Variants in DCDC1 observed in about 807,000 individuals in gnomAD.
DCDC1 encodes the protein doublecortin domain containing 1.
Under a neutral mutation model 178.3 loss-of-function variants are expected in DCDC1, and 200 were observed. The ratio of observed to expected loss-of-function variants is 1.12; its 90% CI spans 1.00 to 1.26. The LOEUF (loss-of-function observed/expected upper bound fraction) is 1.26. DCDC1 is among the 50% of genes most tolerant of loss of function. The pLI, the probability that DCDC1 is intolerant of heterozygous loss-of-function variation, is 0.00. For synonymous variants in DCDC1, 690 were observed against 604.8 expected (o/e 1.14, Z -2.07); for missense variants, 1,983 against 1,749.2 (o/e 1.13, Z -2.38).
chr11:31,200,479 A>G (rs1462362771), intron 9 of DCDC1, among the ~76,000 whole-genome samples: 1 of 152,118 alleles, frequency 6.6e-6, no homozygotes, highest in African/African-American at 2.4e-5. Flanking sequence ...AACGATATAA[A>G]TTTTTGAGTA....
intron 20 of DCDC1, among the ~76,000 whole-genome samples, chr11:31,054,688 T>G (rs1327813028): frequency 6.6e-6 from 1 of 152,148 alleles, no homozygotes; most frequent in Non-Finnish European, 1.5e-5. Flanking sequence ...CCCAAATACT[T>G]ACAGCCAACT....
At chr11:31,258,024 T>C (rs1014585691) in intron 8 of DCDC1, among the ~76,000 whole-genome samples, 14 of 152,106 alleles carry the variant, frequency 9.2e-5, no homozygotes, top group Non-Finnish European at 1.9e-4. Flanking sequence ...CTTTTGAGGA[T>C]AGGACAATTA....
intron 17 of DCDC1, among the ~76,000 whole-genome samples, chr11:31,089,447 A>G (rs1262955252): frequency 6.6e-6 from 1 of 151,932 alleles, no homozygotes; most frequent in Admixed American, 6.6e-5. Flanking sequence ...GAATTTGTTG[A>G]GTTCCTTGGA....
intron 20 of DCDC1, among the ~76,000 whole-genome samples, chr11:31,042,461 A>G (rs1273360882): frequency 6.6e-6 from 1 of 152,184 alleles, no homozygotes; most frequent in Admixed American, 6.5e-5. Context: ...AAAATAAGGA[A>G]GATCTATACA....
intron 20 of DCDC1, chr11:30,992,329 T>TG (rs1951034157): frequency 1.3e-5 from 2 of 152,154 alleles, no homozygotes; most frequent in East Asian, 3.9e-4. Context: ...AGTGAACAAA[T>TG]AATGACTGAC....
At chr11:31,311,495 A>T (rs1948770674) in intron 3 of DCDC1, among the ~76,000 whole-genome samples, 1 of 152,238 alleles carries the variant, frequency 6.6e-6, no homozygotes, top group African/African-American at 2.4e-5. Flanking sequence ...TTTAAATGTA[A>T]CAACTGCTGA....
intron 10 of DCDC1, among the ~76,000 whole-genome samples, chr11:31,133,271 G>T (rs1244700200): frequency 6.6e-6 from 1 of 152,130 alleles, no homozygotes; most frequent in African/African-American, 2.4e-5. Flanking sequence ...AGAGCACTTT[G>T]CACAGAACTG....
rs1049982056 is a variant in DCDC1, at chr11:30,952,484, G to C, written c.2676C>G (p.Thr892=). Residue 892 remains threonine, a synonymous_variant, in exon 21 of 39, where the codon ACC becomes ACG. Transcript: ENST00000684477. ...CACTGGGAAGGACAGGCCACATGTA[G>C]GTAAGCTTGTTCCATAGAGGATTTT... ...RVENPLWNKL[T]YMWPVLPSGQ... 1 of 1,585,592 alleles carries C rather than the reference G, an allele frequency of 6.3e-7. No homozygotes were observed. The highest frequency in any genetic ancestry group is 1.3e-5 in the African/African-American group (1 of 74,744).
At chr11:31,129,781 T>A (rs1962187148) in intron 10 of DCDC1, among the ~76,000 whole-genome samples, 1 of 152,088 alleles carries the variant, frequency 6.6e-6, no homozygotes. Context: ...TTAGGTCACC[T>A]CCACCAAATT....
At chr11:31,279,533 AC>A (rs1946264675) in intron 7 of DCDC1, among the ~76,000 whole-genome samples, 1 of 152,212 alleles carries the variant, frequency 6.6e-6, no homozygotes, top group Non-Finnish European at 1.5e-5. Flanking sequence ...AAAATGTGGC[AC>A]ATATACACCA....
chr11:31,336,612 A>G (rs979573377), intron 1 of DCDC1, among the ~76,000 whole-genome samples: 2 of 152,234 alleles, frequency 1.3e-5, no homozygotes, highest in Admixed American at 6.5e-5. Flanking sequence ...ATGTGTCCAT[A>G]TGTTAGTATT....
chr11:31,146,046 T>C (rs773927289), intron 9 of DCDC1, among the ~76,000 whole-genome samples: 10 of 151,838 alleles, frequency 6.6e-5, no homozygotes, highest in Non-Finnish European at 1.5e-4. Context: ...AATGTCTAAA[T>C]CAGTTTAAAG....
At chr11:31,158,749 C>A (rs1382455263) in intron 9 of DCDC1, among the ~76,000 whole-genome samples, 1 of 152,026 alleles carries the variant, frequency 6.6e-6, no homozygotes, top group East Asian at 1.9e-4. Flanking sequence ...ACAAGATTAG[C>A]AATGTCAATT....
chr11:30,892,991 G>A lies in DCDC1; in HGVS notation c.4909C>T (p.Leu1637Phe). 6.2e-6 allele frequency: 10 copies of A among 1,613,742 alleles called. No homozygotes were observed. Among genetic ancestry groups the A allele is most frequent in the Non-Finnish European group, 8.5e-6 (10 of 1,179,826 alleles). ...GATTCCATTTCTTGGATTTCAGAAA[G>A]GTGTGCCTGTCAAGAAAAGCCCAGA... The part of the protein sequence containing the change: ...MELIRHTEAH[L>F]SEIQEMESKI... Residue 1637 changes from leucine (L) to phenylalanine (F), a missense_variant, in exon 36 of 39, where the codon CTT (leucine) becomes TTT (phenylalanine). Transcript: ENST00000684477.
intron 7 of DCDC1, among the ~76,000 whole-genome samples, chr11:31,284,956 G>C (rs1392666140): frequency 6.6e-6 from 1 of 151,986 alleles, no homozygotes; most frequent in African/African-American, 2.4e-5. Context: ...TGTCTTAACT[G>C]CTCCTAAATA....
rs567044005 is a variant in DCDC1, at chr11:31,313,075, C to A, written c.165-5167G>T. 7.9e-5 allele frequency among the ~76,000 whole-genome samples: 12 copies of A among 151,744 alleles called. 1 individual carries two copies. The highest frequency in any genetic ancestry group is 7.9e-4 in the Admixed American group (12 of 15,254). On this transcript the variant is annotated intron_variant, in intron 3 of 38. Coordinates refer to ENST00000684477, the MANE Select transcript of DCDC1 (RefSeq NM_001387274.1). ...TAAAAATAAAATAAAATATTAAAAC[C>A]TACTGGTTCTGTTTCTCTGGAGAAC...
At chr11:31,276,550 T>C (rs1462315367) in intron 7 of DCDC1, among the ~76,000 whole-genome samples, 1 of 152,110 alleles carries the variant, frequency 6.6e-6, no homozygotes, top group Non-Finnish European at 1.5e-5. Flanking sequence ...TAAAATGCCA[T>C]GCATAAGTCT....
chr11:31,337,103 T>G (rs181565215), intron 1 of DCDC1, among the ~76,000 whole-genome samples: 30 of 152,224 alleles, frequency 2.0e-4, no homozygotes, highest in Non-Finnish European at 4.3e-4. Context: ...AACCTAATCC[T>G]GAAATACCTG....
chr11:31,101,571 A>T (rs1001602744), intron 15 of DCDC1, among the ~76,000 whole-genome samples: 3 of 152,166 alleles, frequency 2.0e-5, no homozygotes, highest in Non-Finnish European at 4.4e-5. Context: ...CCAACTTATT[A>T]TTATAGCTAT....
Sources: gnomAD v4.1 joint callset for allele counts (sites outside exome capture counted in the v4.1 genomes callset) on GRCh38, gnomAD v4.1.1 for gene constraint, MANE v1.5 for transcripts, NCBI Gene and HGNC (gene_info 2026-07-23, HGNC 2026-07-21) for gene names.